PRKN: variants seen among roughly 807,000 people sequenced by gnomAD.
PRKN encodes the protein parkin RBR E3 ubiquitin protein ligase, also known as E3 ubiquitin-protein ligase parkin.
A neutral mutation model predicts 59.5 loss-of-function variants in PRKN; 56 were observed. The ratio of observed to expected loss-of-function variants is 0.94; its 90% CI spans 0.76 to 1.18. The LOEUF is 1.18. PRKN is among the 50% of genes most tolerant of loss of function. PRKN has a pLI of 0.00. For missense variants in PRKN, 657 were observed against 596.4 expected, an observed-to-expected ratio of 1.10 and a Z score of -1.06; for synonymous variants, 250 against 222.1, an observed-to-expected ratio of 1.13 and a Z score of -1.12.
chr6:162,018,330 A>G (rs1562463422), intron 5 of PRKN, among the ~76,000 whole-genome samples: 1 of 152,096 alleles, frequency 6.6e-6, no homozygotes, highest in Non-Finnish European at 1.5e-5. Flanking sequence ...CCGGCCCATA[A>G]TAACTTTTAG....
At chr6:162,409,329 A>G (rs1165679021) in intron 2 of PRKN, among the ~76,000 whole-genome samples, 1 of 151,420 alleles carries the variant, frequency 6.6e-6, no homozygotes, top group East Asian at 2.0e-4. Flanking sequence ...CATGCCTGCC[A>G]TATTTTTTTT....
chr6:162,512,858 T>C (rs12528066), intron 1 of PRKN, among the ~76,000 whole-genome samples: 39,148 of 152,014 alleles, frequency 0.26, 6,256 homozygotes, highest in Non-Finnish European at 0.37. Flanking sequence ...TGAGAAAACA[T>C]TGCAATTATT....
chr6:162,712,989 G>A (rs1254999307), intron 1 of PRKN, among the ~76,000 whole-genome samples: 6 of 152,190 alleles, frequency 3.9e-5, no homozygotes, highest in Non-Finnish European at 7.3e-5. Context: ...CTAGAGTGTG[G>A]AGGAGAAATA....
rs897894142 is a variant in PRKN at position 161,454,266 on chromosome 6, A to T, written c.1084-67389T>A. On this transcript the variant is annotated intron_variant, in intron 9 of 11. Coordinates refer to ENST00000366898, the MANE Select transcript of PRKN (RefSeq NM_004562.3). The surrounding 1 kb of genome is among the most constrained non-coding windows in gnomAD (Gnocchi z 4.6). Reference sequence around the variant, plus strand: ...GACGGCACATAGCCTGTGTCTTTTGAGCTCACTTTCCATGTTATCCTAGGT... The same window carrying T: ...GACGGCACATAGCCTGTGTCTTTTGTGCTCACTTTCCATGTTATCCTAGGT... Among the ~76,000 whole-genome samples, 4 of 152,070 alleles carry T rather than the reference A, an allele frequency of 2.6e-5. No individual in the cohort carries two copies. The highest frequency in any genetic ancestry group is 5.9e-5 in the Non-Finnish European group (4 of 68,024).
chr6:161,689,820 C>T (rs1260045803), intron 7 of PRKN, among the ~76,000 whole-genome samples: 1 of 152,054 alleles, frequency 6.6e-6, no homozygotes, highest in Non-Finnish European at 1.5e-5. Context: ...AAGTGATTCT[C>T]CTACCTCAAC....
At chr6:161,771,772 A>C (rs923795521) in intron 7 of PRKN, among the ~76,000 whole-genome samples, 1 of 152,232 alleles carries the variant, frequency 6.6e-6, no homozygotes, top group African/African-American at 2.4e-5. Context: ...ACATTAGAAT[A>C]TTAAGCCACT....
At chr6:162,494,546 C>T (rs1432276250) in intron 1 of PRKN, among the ~76,000 whole-genome samples, 25 of 152,286 alleles carry the variant, frequency 1.6e-4, no homozygotes. Context: ...CTTGATCAGC[C>T]CTCACAATTG....
intron 5 of PRKN, among the ~76,000 whole-genome samples, chr6:161,995,110 A>C (rs1781793833): frequency 6.6e-6 from 1 of 152,122 alleles, no homozygotes; most frequent in Admixed American, 6.5e-5. Context: ...CAATGGAACA[A>C]AATAGTGAAC....
chr6:162,278,793 T>C (rs1437566576), intron 2 of PRKN, among the ~76,000 whole-genome samples: 3 of 151,954 alleles, frequency 2.0e-5, no homozygotes, highest in Non-Finnish European at 2.9e-5. Context: ...AGGAACAAAA[T>C]GTCAGTCTAT....
At chr6:162,200,516 T>A (rs1002937289) in intron 4 of PRKN, among the ~76,000 whole-genome samples, 3 of 152,158 alleles carry the variant, frequency 2.0e-5, no homozygotes, top group Non-Finnish European at 4.4e-5. Flanking sequence ...GGTCACATAA[T>A]GTTATTCATC....
At chr6:162,058,818 G>A (rs9458442) in intron 4 of PRKN, among the ~76,000 whole-genome samples, 3,133 of 148,630 alleles carry the variant, frequency 0.021, 69 homozygotes, top group African/African-American at 0.069. Context: ...TGGGCATGGT[G>A]GCGGGTGCCT....
At chr6:162,460,526 T>A (rs2128173924) in intron 1 of PRKN, among the ~76,000 whole-genome samples, 1 of 152,300 alleles carries the variant, frequency 6.6e-6, no homozygotes, top group South Asian at 2.1e-4. Context: ...GTATGTGAAT[T>A]ATATCTTAGT....
At chr6:162,027,296 T>C (rs116609414) in intron 5 of PRKN, among the ~76,000 whole-genome samples, 2,291 of 147,036 alleles carry the variant, frequency 0.016, 51 homozygotes, top group African/African-American at 0.052. Context: ...TTAACCATGA[T>C]ATTAATCTTG....
intron 2 of PRKN, among the ~76,000 whole-genome samples, chr6:162,331,631 T>G (rs908934334): frequency 1.1e-4 from 17 of 152,326 alleles, no homozygotes; most frequent in African/African-American, 4.1e-4. Flanking sequence ...ATCACCCCAT[T>G]TTTCTTTCTG....
chr6:161,535,180 T>A lies in PRKN; in HGVS notation c.1083+13674A>T, dbSNP rs146708016. Among the ~76,000 whole-genome samples, 885 of 152,350 alleles carry A rather than the reference T, an allele frequency of 5.8e-3. 4 individuals are homozygous for A. The highest frequency in any genetic ancestry group is 0.02 in the African/African-American group (850 of 41,576). ...TGGCACTACTGAATGCAAACTCTAT[T>A]TATCTGCACAACTTCAGAAGGTTAT... On this transcript the variant is annotated intron_variant, in intron 9 of 11. Coordinates refer to ENST00000366898, the MANE Select transcript of PRKN (RefSeq NM_004562.3).
chr6:161,676,876 G>A (rs1340010734), intron 7 of PRKN, among the ~76,000 whole-genome samples: 2 of 152,168 alleles, frequency 1.3e-5, no homozygotes, highest in East Asian at 3.8e-4. Flanking sequence ...AGACTACAGG[G>A]ATGAGAAAAA....
intron 6 of PRKN, among the ~76,000 whole-genome samples, chr6:161,859,413 G>A (rs1320738377): frequency 3.3e-5 from 5 of 151,650 alleles, no homozygotes; most frequent in Non-Finnish European, 7.4e-5. Flanking sequence ...GACCATCCTG[G>A]CCAACATGCT....
chr6:162,359,210 A>G (rs1377027928), intron 2 of PRKN, among the ~76,000 whole-genome samples: 2 of 151,872 alleles, frequency 1.3e-5, no homozygotes, highest in Admixed American at 1.3e-4. Context: ...CAGCAGAGGA[A>G]AACCACCAGG....
chr6:162,132,080 T>G (rs1457380405), intron 4 of PRKN, among the ~76,000 whole-genome samples: 1 of 152,206 alleles, frequency 6.6e-6, no homozygotes, highest in Non-Finnish European at 1.5e-5. Context: ...GAATGAGGTT[T>G]GAGTTGACCC....
Sources: gnomAD v4.1 joint callset for allele counts (sites outside exome capture counted in the v4.1 genomes callset) on GRCh38, gnomAD v4.1.1 for gene constraint, Gnocchi (gnomAD v3.1) non-coding constraint, MANE v1.5 for transcripts, NCBI Gene and HGNC (gene_info 2026-07-23, HGNC 2026-07-21) for gene names.